SLCO5A1: variants seen among roughly 807,000 people sequenced by gnomAD.
SLCO5A1 encodes organic anion transporter polypeptide-related protein 4.
A neutral mutation model predicts 65.1 loss-of-function variants in SLCO5A1; 39 were observed. That is an observed-to-expected ratio of 0.60 (90% CI 0.46 to 0.78). The LOEUF (loss-of-function observed/expected upper bound fraction) is 0.78. Among genes scored for constraint, SLCO5A1 ranks in the 30% least tolerant of loss-of-function variants. SLCO5A1 has a pLI of 0.00. For synonymous variants in SLCO5A1, 438 were observed against 415.7 expected (o/e 1.05, Z -0.65); for missense variants, 1,029 against 1,069.4 (o/e 0.96, Z 0.53).
At chr8:69,787,714 A>C (rs1819093733) in intron 2 of SLCO5A1, among the ~76,000 whole-genome samples, 2 of 152,354 alleles carry the variant, frequency 1.3e-5, no homozygotes, top group South Asian at 4.1e-4. Flanking sequence ...GTTATGAACT[A>C]ACTATTGGAT....
At chr8:69,748,221 G>T (rs551193254) in intron 4 of SLCO5A1, among the ~76,000 whole-genome samples, 2 of 152,150 alleles carry the variant, frequency 1.3e-5, no homozygotes, top group African/African-American at 4.8e-5. Flanking sequence ...GGGTACACAT[G>T]GCTGCCAGGG....
At chr8:69,795,197 T>C (rs1819439543) in intron 2 of SLCO5A1, among the ~76,000 whole-genome samples, 1 of 152,148 alleles carries the variant, frequency 6.6e-6, no homozygotes, top group African/African-American at 2.4e-5. Context: ...CAAAATACAA[T>C]TATCCCTTTC....
chr8:69,690,047 G>A (rs938652615), intron 6 of SLCO5A1, among the ~76,000 whole-genome samples: 3 of 140,608 alleles, frequency 2.1e-5, no homozygotes, highest in Non-Finnish European at 3.2e-5. Flanking sequence ...GCCCCTTTGC[G>A]GGTACGGGGG....
chr8:69,803,444 G>A (rs1201274327), intron 2 of SLCO5A1, among the ~76,000 whole-genome samples: 1 of 151,972 alleles, frequency 6.6e-6, no homozygotes, highest in Non-Finnish European at 1.5e-5. Context: ...CCGGCATGGT[G>A]CCGGGTTCCT....
At position 69,831,774 on chromosome 8, in the gene SLCO5A1, C is replaced by T. The variant is rs2130930682; in HGVS notation, c.900G>A (p.Leu300=). ...DDNVKKENSS[L]YLAIMYVMGA... is the part of the protein sequence containing the mutation. The stretch of plus-strand genomic sequence containing the variant: ...AGAACAGGAAAGTCTTACCTAGGTA[C>T]AAGGAGGAGTTTTCTTTCTTGACAT... The change falls in exon 2 of 10, where the codon TTG becomes TTA. Residue 300 remains leucine (L), a synonymous_variant. Coordinates refer to ENST00000260126, the MANE Select transcript of SLCO5A1 (RefSeq NM_030958.3). 1.2e-6 allele frequency: 2 copies of T among 1,613,732 alleles called. No individual in the cohort carries two copies. The highest frequency in any genetic ancestry group is 1.7e-6 in the Non-Finnish European group (2 of 1,179,910).
At chr8:69,691,968 G>T (rs1414414593) in intron 6 of SLCO5A1, among the ~76,000 whole-genome samples, 3 of 152,220 alleles carry the variant, frequency 2.0e-5, no homozygotes, top group Admixed American at 6.5e-5. Context: ...AAAGTATAAG[G>T]CCGGACGCGG....
rs1563672604 is a variant in SLCO5A1 at position 69,705,042 on chromosome 8, A to T, written c.1611T>A (p.Pro537=). The T allele has an allele frequency of 6.2e-7, 1 of 1,612,172 alleles. No individual in the cohort carries two copies. Among genetic ancestry groups the T allele is most frequent in the Non-Finnish European group, 8.5e-7 (1 of 1,179,952 alleles). Residue 537 remains proline (P), a synonymous_variant, in exon 6 of 10, where the codon CCT becomes CCA. Coordinates refer to ENST00000260126, the MANE Select transcript of SLCO5A1 (RefSeq NM_030958.3). ...TAAGAGGTACTTACCCTGTTGTATA[A>T]GGGATGTTTATGCCCCCTAGATTAA... The part of the protein sequence containing the change: ...ESINLGGINI[P]YTTGPSLTMP...
rs945218505 is a variant in SLCO5A1 at position 69,832,837 on chromosome 8, C to A, written c.-164G>T. 1 of 743,128 alleles carries A rather than the reference C, an allele frequency of 1.3e-6. No individual in the cohort carries two copies. Among genetic ancestry groups the A allele is most frequent in the East Asian group, 2.8e-5 (1 of 36,360 alleles). The allele number at this position is 743,128 out of a possible 1,614,324, so 46.0% of individuals were successfully genotyped here. On this transcript the variant is annotated 5_prime_UTR_variant, in exon 2 of 10. Coordinates refer to ENST00000260126, the MANE Select transcript of SLCO5A1 (RefSeq NM_030958.3). The surrounding 1 kb of genome is among the most constrained non-coding windows in gnomAD (Gnocchi z 4.5). Reference sequence around the variant, plus strand: ...CAGGGCATCCTCACCAGCTGCGAGGCGCCCAGTGCATCCTGATCACAGACA... The same window carrying A: ...CAGGGCATCCTCACCAGCTGCGAGGAGCCCAGTGCATCCTGATCACAGACA...
At chr8:69,682,428 T>A in intron 6 of SLCO5A1, 85 bp from the exon 7 acceptor site, 1 of 1,301,006 alleles carries the variant, frequency 7.7e-7, no homozygotes, top group East Asian at 2.8e-5. Context: ...AATTTGTCCA[T>A]TTTAGAGAAA....
chr8:69,747,165 G>T (rs1013574394), intron 4 of SLCO5A1, among the ~76,000 whole-genome samples: 2 of 152,190 alleles, frequency 1.3e-5, no homozygotes, highest in Non-Finnish European at 2.9e-5. Flanking sequence ...GCATGGCAAG[G>T]CATGCCCCCT....
chr8:69,773,980 G>A (rs1346044408), intron 2 of SLCO5A1, among the ~76,000 whole-genome samples: 2 of 152,180 alleles, frequency 1.3e-5, no homozygotes, highest in Non-Finnish European at 2.9e-5. Flanking sequence ...TTTTCATTAA[G>A]GTGCATATCA....
chr8:69,695,107 A>G (rs1177509847), intron 6 of SLCO5A1, among the ~76,000 whole-genome samples: 1 of 152,208 alleles, frequency 6.6e-6, no homozygotes. Flanking sequence ...GCATATACAA[A>G]GTGCTAGATT....
chr8:69,679,273 T>C, intron 8 of SLCO5A1, 105 bp downstream of exon 8: 1 of 1,503,360 alleles, frequency 6.7e-7, no homozygotes. Flanking sequence ...CACATGCTAA[T>C]TTTGCTTTGC....
intron 4 of SLCO5A1, among the ~76,000 whole-genome samples, chr8:69,751,451 G>T (rs1817296266): frequency 6.6e-6 from 1 of 151,912 alleles, no homozygotes; most frequent in Non-Finnish European, 1.5e-5. Flanking sequence ...CTCAATGTCT[G>T]TCATTAAAAT....
At chr8:69,761,920 T>C (rs1170116706) in intron 2 of SLCO5A1, 45 bp from the exon 3 acceptor site, 1 of 1,605,240 alleles carries the variant, frequency 6.2e-7, no homozygotes, top group Non-Finnish European at 8.5e-7. Context: ...GACGTTTTAT[T>C]ACATGTTAGG....
intron 2 of SLCO5A1, among the ~76,000 whole-genome samples, chr8:69,806,758 A>G (rs555040619): frequency 2.0e-5 from 3 of 152,326 alleles, no homozygotes; most frequent in South Asian, 2.1e-4. Flanking sequence ...AAGGTCTTAT[A>G]TTTATTTGCA....
intron 2 of SLCO5A1, among the ~76,000 whole-genome samples, chr8:69,824,786 C>T (rs968663839): frequency 6.6e-6 from 1 of 152,194 alleles, no homozygotes; most frequent in South Asian, 2.1e-4. Context: ...ATGAGACCAG[C>T]ATCATCCTGA....
At position 69,765,217 on chromosome 8, in the gene SLCO5A1, TAC is replaced by T. The variant is rs199817748; in HGVS notation, c.908-3344_908-3343del. Among the ~76,000 whole-genome samples the T allele has an allele frequency of 7.6e-3, 1,161 of 151,782 alleles. 11 individuals carry two copies. Among genetic ancestry groups the T allele is most frequent in the African/African-American group, 0.025 (1,044 of 41,378 alleles). On this transcript the variant is annotated intron_variant, in intron 2 of 9. Coordinates refer to ENST00000260126, the MANE Select transcript of SLCO5A1 (RefSeq NM_030958.3). ...GTGTGTATACAGATACATATATATA[TAC>T]ACACACACACAATGGCACACATATA...
At chr8:69,689,938 C>T (rs1271297193) in intron 6 of SLCO5A1, among the ~76,000 whole-genome samples, 1 of 152,132 alleles carries the variant, frequency 6.6e-6, no homozygotes, top group Non-Finnish European at 1.5e-5. Flanking sequence ...GCAGTATGGC[C>T]ATTTTCACGA....
Sources: allele counts gnomAD v4.1 joint callset (sites outside exome capture counted in the v4.1 genomes callset), GRCh38; gene constraint gnomAD v4.1.1; non-coding constraint Gnocchi (gnomAD v3.1); transcripts MANE v1.5; gene names NCBI Gene and HGNC (gene_info 2026-07-23, HGNC 2026-07-21).